The following CSPG4 variants were observed in gnomAD, a reference collection of about 807,000 sequenced individuals.
The protein encoded by CSPG4 is chondroitin sulfate proteoglycan 4 (melanoma-associated).
CSPG4 carries 74 observed loss-of-function variants against 139.3 expected under a neutral mutation model. The ratio of observed to expected loss-of-function variants is 0.53; its 90% CI spans 0.44 to 0.64. CSPG4 has a LOEUF of 0.64. Among genes scored for constraint, CSPG4 ranks in the 30% least tolerant of loss-of-function variants. The pLI is 0.00. For missense variants in CSPG4, 2,565 were observed against 3,148.3 expected, an observed-to-expected ratio of 0.81 and a Z score of 4.43; for synonymous variants, 1,234 against 1,394.2, an observed-to-expected ratio of 0.89 and a Z score of 2.56.
At chr15:75,678,373 G>C (rs900777221) in intron 8 of CSPG4, 1 of 187,948 alleles carries the variant, frequency 5.3e-6, no homozygotes, top group Non-Finnish European at 1.1e-5. Context: ...ATTATTTTGA[G>C]ACAGGGTCTT....
At chr15:75,694,978 C>A (rs927960973) in intron 1 of CSPG4, among the ~76,000 whole-genome samples, 9 of 152,194 alleles carry the variant, frequency 5.9e-5, no homozygotes, top group African/African-American at 2.2e-4. Flanking sequence ...GAGCCACCAC[C>A]GTCACCTGCT....
At position 75,683,796 on chromosome 15, in the gene CSPG4, C is replaced by T. The variant is rs192690244; in HGVS notation, c.4450-755G>A. On this transcript the variant is annotated intron_variant, in intron 5 of 9. Transcript: ENST00000308508. ...CTTCTGGCATTCCTGGGCTTCCTCC[C>T]CCGGCCCCAGGGAGCCCTCAGGCCC... Among the ~76,000 whole-genome samples the T allele has an allele frequency of 2.0e-3, 312 of 152,312 alleles. 2 individuals are homozygous for T. The highest frequency in any genetic ancestry group is 7.3e-3 in the African/African-American group (304 of 41,576).
rs1447236095 is a variant in CSPG4, at chr15:75,676,852, C to G, written c.5667G>C (p.Gly1889=). 6.4e-7 allele frequency: 1 copy of G among 1,568,820 alleles called. No individual in the cohort carries two copies. The highest frequency in any genetic ancestry group is 8.6e-7 in the Non-Finnish European group (1 of 1,158,648). ...CGGCTTGCGTGAAGCGGGTCACGGG[C>G]CCCAGGCCACCACCCACCAGGCTGA... ...GFLSLVGGGL[G]PVTRFTQADV... Residue 1889 remains glycine, a synonymous_variant, in exon 10 of 10, where the codon GGG becomes GGC. Transcript: ENST00000308508.
rs1244424994 is a variant in CSPG4 at position 75,696,893 on chromosome 15, G to T, written c.89-3660C>A. On this transcript the variant is annotated intron_variant, in intron 1 of 9. Transcript: ENST00000308508. This position sits in a 1 kb window ranked among gnomAD's most constrained non-coding sequence, Gnocchi z 4.2. ...GTCCCCAGCAAGCCCCCTCTGTCAG[G>T]GCAAGGGCTGCGCTGGCATCTCCGG... Among the ~76,000 whole-genome samples the T allele has an allele frequency of 6.6e-6, 1 of 152,190 alleles. No homozygotes were observed. Among genetic ancestry groups the T allele is most frequent in the Non-Finnish European group, 1.5e-5 (1 of 68,018 alleles).
intron 1 of CSPG4, among the ~76,000 whole-genome samples, chr15:75,711,896 C>T (rs908102587): frequency 2.0e-5 from 3 of 152,184 alleles, no homozygotes; most frequent in East Asian, 1.9e-4. Flanking sequence ...TCTCGGAAAG[C>T]GAACTTCCAT....
chr15:75,688,893 C>G lies in CSPG4; in HGVS notation c.2172G>C (p.Glu724Asp). ...KQGAGGVEGA[E>D]WWATQAFHQR... ...GGTGGAACGCCTGTGTGGCCCACCACTCAGCACCCTCCACCCCACCTGCCC... is the reference window on the plus strand; with the variant it reads ...GGTGGAACGCCTGTGTGGCCCACCAGTCAGCACCCTCCACCCCACCTGCCC... Residue 724 changes from glutamate to aspartate, a missense_variant, in exon 3 of 10, where the codon GAG (glutamate) becomes GAC (aspartate). Physicochemically the swap from Glu to Asp is conservative, Grantham distance 45. This residue lies in a region of CSPG4 where 2,316 missense variants were observed against 2,818.2 expected (regional missense o/e 0.82). Coordinates refer to ENST00000308508, the MANE Select transcript of CSPG4 (RefSeq NM_001897.5). 1 of 1,612,262 alleles carries G rather than the reference C, an allele frequency of 6.2e-7. No homozygotes were observed. The highest frequency in any genetic ancestry group is 8.5e-7 in the Non-Finnish European group (1 of 1,179,960).
At position 75,712,826 on chromosome 15, in the gene CSPG4, A is replaced by G. The variant is rs1894465573; in HGVS notation, c.-71T>C. 1 of 1,340,232 alleles carries G rather than the reference A, an allele frequency of 7.5e-7. No individual in the cohort carries two copies. 83.0% of individuals were successfully genotyped at this position (1,340,232 alleles called of 1,614,324 possible). A position where few individuals can be genotyped will look rare whatever the true frequency, so the allele number is the denominator to read the frequency against. ...TGGGAGCTGGGAGCTGAGTGGAGCG[A>G]GCGCGGCTCTGCTCCTGGGCGCGGG... On this transcript the variant is annotated 5_prime_UTR_variant, in exon 1 of 10. Transcript: ENST00000308508.
chr15:75,682,826 C>T lies in CSPG4; in HGVS notation c.4648+17G>A, dbSNP rs545602898. The stretch of plus-strand genomic sequence containing the variant: ...CCGTGGGCAGCAGGAACCCGAGGCC[C>T]GGCCCTCAGCACCCACCTCTGTGTG... On this transcript the variant is annotated intron_variant, in intron 6 of 9. Transcript: ENST00000308508. 2.1e-5 allele frequency: 33 copies of T among 1,605,576 alleles called. No individual in the cohort carries two copies. Among genetic ancestry groups the T allele is most frequent in the South Asian group, 1.1e-4 (10 of 90,780 alleles).
chr15:75,688,144 T>C lies in CSPG4; in HGVS notation c.2921A>G (p.His974Arg), dbSNP rs1894092348. 6.2e-7 allele frequency: 1 copy of C among 1,612,850 alleles called. No homozygotes were observed. Among genetic ancestry groups the C allele is most frequent in the Non-Finnish European group, 8.5e-7 (1 of 1,179,854 alleles). ...ATCTTCTGTGGTCTCGGAGTCATCA[T>C]GCTGGTAGACCAGCCGGCCACGCAA... ...DLLRGRLVYQHDDSETTEDDI... is the reference protein window; with the variant it reads ...DLLRGRLVYQRDDSETTEDDI... Residue 974 changes from histidine (H) to arginine (R), a missense_variant, in exon 3 of 10, where the codon CAT becomes CGT. Around this residue, in one of 5 missense-constraint regions of CSPG4, gnomAD observed 2,316 missense variants for 2,818.2 expected, o/e 0.82. Coordinates refer to ENST00000308508, the MANE Select transcript of CSPG4 (RefSeq NM_001897.5).
rs370078244 is a variant in CSPG4 at position 75,682,673 on chromosome 15, G to C, written c.4717C>G (p.Arg1573Gly). ...GEHTSPGHFF[R>G]VTAQKQVLLS... ...AGCACTTGCTTCTGGGCCGTCACTC[G>C]GAAGAAGTGTCCGGGGGAAGTGTGC... Residue 1573 changes from arginine to glycine, a missense_variant, in exon 7 of 10, where the codon CGA (arginine) becomes GGA (glycine). Physicochemically the swap from Arg to Gly is moderately radical, Grantham distance 125. Coordinates refer to ENST00000308508, the MANE Select transcript of CSPG4 (RefSeq NM_001897.5). 27 of 1,612,918 alleles carry C rather than the reference G, an allele frequency of 1.7e-5. No homozygotes were observed. The highest frequency in any genetic ancestry group is 8.9e-5 in the East Asian group (4 of 44,900).
rs540920705 is a variant in CSPG4 at position 75,704,155 on chromosome 15, GCT to G, written c.88+8511_88+8512del. ...CTGCTTGGCCCAGGACAAGCAGCTG[GCT>G]CTCTCTAGATAGAGGCAGAGGCCCC... On this transcript the variant is annotated intron_variant, in intron 1 of 9. Transcript: ENST00000308508. 7.4e-5 allele frequency among the ~76,000 whole-genome samples: 11 copies of G among 147,790 alleles called. No individual in the cohort carries two copies. The East Asian group carries it at 1.6e-3, about 21-fold the overall frequency.
rs760413681 is a variant in CSPG4, at chr15:75,682,992, G to A, written c.4499C>T (p.Thr1500Met). The change falls in exon 6 of 10, where the codon ACG becomes ATG. Residue 1500 changes from threonine to methionine, a missense_variant. Around this residue, in one of 5 missense-constraint regions of CSPG4, gnomAD observed 2,316 missense variants for 2,818.2 expected, o/e 0.82. Coordinates refer to ENST00000308508, the MANE Select transcript of CSPG4 (RefSeq NM_001897.5). ...ATCCTCAGACCCAGAGTCGCCGTCC[G>A]TGCTCCTCAGAGCCTCCGCAGGGAT... Reference protein sequence around the residue: ...APIPAEALRSTDGDSGSEDLV... With the variant: ...APIPAEALRSMDGDSGSEDLV... 26 of 1,611,282 alleles carry A rather than the reference G, an allele frequency of 1.6e-5. No homozygotes were observed. Among genetic ancestry groups the A allele is most frequent in the Middle Eastern group, 2.0e-4 (1 of 5,088 alleles).
rs1335528950 is a variant in CSPG4, at chr15:75,694,966, T to C, written c.89-1733A>G. Among the ~76,000 whole-genome samples the C allele has an allele frequency of 3.9e-5, 6 of 152,186 alleles. No individual in the cohort carries two copies. In the East Asian group the frequency reaches 9.6e-4, roughly 24 times the overall value. On this transcript the variant is annotated intron_variant, in intron 1 of 9. Coordinates refer to ENST00000308508, the MANE Select transcript of CSPG4 (RefSeq NM_001897.5). ...GGTGGGGGCACATGGCCCTGCAGGA[T>C]AGAGCCACCACCGTCACCTGCTGGA... is the stretch of plus-strand genomic sequence containing the variant.
intron 2 of CSPG4, among the ~76,000 whole-genome samples, chr15:75,691,408 C>G (rs570553834): frequency 1.3e-5 from 2 of 152,326 alleles, no homozygotes; most frequent in South Asian, 4.1e-4. Context: ...GCAAGATGCT[C>G]TCCTAGAAAT....
Position 75,676,774 on chromosome 15 carries a change from G to T in CSPG4, c.5745C>A (p.Gly1915=). The change falls in exon 10 of 10, where the codon GGC becomes GGA. Residue 1915 remains glycine (G), a synonymous_variant. Coordinates refer to ENST00000308508, the MANE Select transcript of CSPG4 (RefSeq NM_001897.5). ...CATCAGACATGCTCAGCTGGAAGATGCCTGCCACGCTGCTCCCGTTGGCCA... is the reference window on the plus strand; with the variant it reads ...CATCAGACATGCTCAGCTGGAAGATTCCTGCCACGCTGCTCCCGTTGGCCA... ...AFVANGSSVA[G]IFQLSMSDGA... is the part of the protein sequence containing the mutation. 6.5e-7 allele frequency: 1 copy of T among 1,546,618 alleles called. No individual in the cohort carries two copies.
chr15:75,709,916 T>C (rs1227228169), intron 1 of CSPG4, among the ~76,000 whole-genome samples: 1 of 151,702 alleles, frequency 6.6e-6, no homozygotes, highest in Admixed American at 6.6e-5. Flanking sequence ...CGAGTCCGGG[T>C]GGGCTGGGCC....
chr15:75,690,806 G>C lies in CSPG4; in HGVS notation c.259C>G (p.Leu87Val). Reference sequence around the variant, plus strand: ...CTCAGCTCCTCCTGGCCCAGAACAAGTCTGACCTGAAGAGAGATGGGGAGT... The same window carrying C: ...CTCAGCTCCTCCTGGCCCAGAACAACTCTGACCTGAAGAGAGATGGGGAGT... Reference protein sequence around the residue: ...QLYSGRLQVRLVLGQEELRLQ... With the variant: ...QLYSGRLQVRVVLGQEELRLQ... Residue 87 changes from leucine (L) to valine (V), a missense_variant, in exon 3 of 10, where the codon CTT becomes GTT. Leu to Val is a conservative substitution (Grantham distance 32). Transcript: ENST00000308508. The C allele has an allele frequency of 6.2e-7, 1 of 1,607,686 alleles. No homozygotes were observed.
intron 1 of CSPG4, among the ~76,000 whole-genome samples, chr15:75,706,284 C>A (rs1187392160): frequency 6.6e-6 from 1 of 152,154 alleles, no homozygotes; most frequent in Non-Finnish European, 1.5e-5. Flanking sequence ...CCTGCCCTGG[C>A]GGGGGAACGA....
chr15:75,689,844 T>C lies in CSPG4; in HGVS notation c.1221A>G (p.Pro407=), dbSNP rs77341302. 0.043 allele frequency: 68,162 copies of C among 1,567,322 alleles called. 1,086 individuals are homozygous for C. The highest frequency in any genetic ancestry group is 0.24 in the African/African-American group (15,707 of 64,956). Reference sequence around the variant, plus strand: ...CGCATGGCTCAGGCAGCTCCATGGCTGGCCAAGCCTCAGGGGCCAGGGTGG... The same window carrying C: ...CGCATGGCTCAGGCAGCTCCATGGCCGGCCAAGCCTCAGGGGCCAGGGTGG... ...AFSTLAPEAW[P]AMELPEPCVP... Residue 407 remains proline (P), a synonymous_variant, in exon 3 of 10, where the codon CCA becomes CCG. Transcript: ENST00000308508.
Sources: gnomAD v4.1 joint callset for allele counts (sites outside exome capture counted in the v4.1 genomes callset) on GRCh38, gnomAD v4.1.1 for gene constraint, gnomAD v4.1.1 regional missense constraint, Gnocchi (gnomAD v3.1) non-coding constraint, MANE v1.5 for transcripts, NCBI Gene and HGNC (gene_info 2026-07-23, HGNC 2026-07-21) for gene names.